Variants in SYNE1 observed in about 807,000 individuals in gnomAD.
SYNE1 encodes the protein nesprin-1.
Under a neutral mutation model 1,111.0 loss-of-function variants are expected in SYNE1, and 616 were observed. The ratio of observed to expected loss-of-function variants is 0.55; its 90% confidence interval spans 0.52 to 0.59. The LOEUF is 0.59. Among genes scored for constraint, SYNE1 ranks in the 20% least tolerant of loss-of-function variants. SYNE1 has a pLI of 0.00. For missense variants in SYNE1, 10,006 were observed against 10,417.0 expected, an observed-to-expected ratio of 0.96 and a Z score of 1.72; for synonymous variants, 3,855 against 3,825.8, an observed-to-expected ratio of 1.01 and a Z score of -0.28.
At chr6:152,561,258 T>C (rs1302362265) in intron 3 of SYNE1, among the ~76,000 whole-genome samples, 6 of 152,178 alleles carry the variant, frequency 3.9e-5, no homozygotes, top group Admixed American at 2.0e-4. Flanking sequence ...GTTGCATGTC[T>C]ATACATAAAC....
intron 3 of SYNE1, among the ~76,000 whole-genome samples, chr6:152,572,679 G>A (rs2099469297): frequency 6.6e-6 from 1 of 152,166 alleles, no homozygotes; most frequent in African/African-American, 2.4e-5. Context: ...TTCCTGAAGG[G>A]CAACTCACTT....
intron 4 of SYNE1, among the ~76,000 whole-genome samples, chr6:152,537,527 T>C (rs75346243): frequency 0.053 from 8,097 of 152,110 alleles, 700 homozygotes; most frequent in African/African-American, 0.18. Context: ...TTGCATACTA[T>C]CTCTTCTTAT....
At chr6:152,546,821 G>A (rs1036906884) in intron 3 of SYNE1, 2 of 152,096 alleles carry the variant, frequency 1.3e-5, no homozygotes, top group African/African-American at 2.4e-5. Flanking sequence ...GTAGAAAGAG[G>A]TCTTGTATTT....
chr6:152,381,587 C>A (rs1702317864), intron 55 of SYNE1: 4 of 590,622 alleles, frequency 6.8e-6, no homozygotes, highest in African/African-American at 3.7e-5. Context: ...TCCTCAATAT[C>A]CTGAAACAGA....
Position 152,148,129 on chromosome 6 carries a change from C to G in SYNE1, c.24892G>C (p.Ala8298Pro). The G allele has an allele frequency of 1.9e-6, 3 of 1,614,212 alleles. No homozygotes were observed. Among genetic ancestry groups the G allele is most frequent in the Non-Finnish European group, 2.5e-6 (3 of 1,180,036 alleles). Residue 8298 changes from alanine (A) to proline (P), a missense_variant, in exon 137 of 146, where the codon GCA becomes CCA. Coordinates refer to ENST00000367255, the MANE Select transcript of SYNE1 (RefSeq NM_182961.4). The surrounding 1 kb of genome is among the most constrained non-coding windows in gnomAD (Gnocchi z 4.1). ...DYDLSRDLES[A>P]MSRALPSEDE... Reference sequence around the variant, plus strand: ...TCAGAGGGCAGAGCTCTGGACATTGCAGACTCCAGGTCCCGACTGAGGTCA... The same window carrying G: ...TCAGAGGGCAGAGCTCTGGACATTGGAGACTCCAGGTCCCGACTGAGGTCA...
chr6:152,159,745 C>T (rs935432698), intron 131 of SYNE1, among the ~76,000 whole-genome samples: 4 of 152,142 alleles, frequency 2.6e-5, no homozygotes, highest in African/African-American at 7.2e-5. Flanking sequence ...ATTAGGATTA[C>T]AGGGGTGAGC....
chr6:152,387,251 A>T lies in SYNE1; in HGVS notation c.8308T>A (p.Phe2770Ile), dbSNP rs768756707. 26 of 1,614,032 alleles carry T rather than the reference A, an allele frequency of 1.6e-5. No homozygotes were observed. The highest frequency in any genetic ancestry group is 1.3e-5 in the Non-Finnish European group (15 of 1,180,032). Reference protein sequence around the residue: ...LQPQPGLKEKFVLLDHLQSIL... With the variant: ...LQPQPGLKEKIVLLDHLQSIL... ...GACTGGAGGTGGTCAAGCAGGACGAACTTCTCTTTCAGACCTGGCTGTGGT... is the reference window on the plus strand; with the variant it reads ...GACTGGAGGTGGTCAAGCAGGACGATCTTCTCTTTCAGACCTGGCTGTGGT... Residue 2770 changes from phenylalanine to isoleucine, a missense_variant, in exon 54 of 146, where the codon TTC becomes ATC. By Grantham distance (21) the Phe-to-Ile change is conservative (BLOSUM62 0). Coordinates refer to ENST00000367255, the MANE Select transcript of SYNE1 (RefSeq NM_182961.4).
intron 51 of SYNE1, among the ~76,000 whole-genome samples, chr6:152,392,755 G>A (rs573134152): frequency 6.6e-6 from 1 of 152,304 alleles, no homozygotes; most frequent in South Asian, 2.1e-4. Context: ...TCTGTTTGGT[G>A]AGACAAGAAG....
chr6:152,278,502 G>A (rs1020852220), intron 97 of SYNE1, among the ~76,000 whole-genome samples: 1 of 151,012 alleles, frequency 6.6e-6, no homozygotes, highest in Non-Finnish European at 1.5e-5. Context: ...TCACTCTGTC[G>A]CCCAGGCTGG....
Position 152,148,250 on chromosome 6 carries a change from G to A in SYNE1, c.24771C>T (p.Leu8257=), listed in dbSNP as rs2059847697. ...SLLSPQPSSN[L]SLSLAQPLRS... ...GGAGGGGCTGAGCGAGCGAGAGGGA[G>A]AGATTGGAGGAAGGCTGTGGAGAAA... Residue 8257 remains leucine, a synonymous_variant, in exon 137 of 146, where the codon CTC becomes CTT. Coordinates refer to ENST00000367255, the MANE Select transcript of SYNE1 (RefSeq NM_182961.4). This position sits in a 1 kb window ranked among gnomAD's most constrained non-coding sequence, Gnocchi z 4.1. 1.2e-6 allele frequency: 2 copies of A among 1,613,672 alleles called. No individual in the cohort carries two copies. The highest frequency in any genetic ancestry group is 1.7e-6 in the Non-Finnish European group (2 of 1,179,784).
At chr6:152,423,889 T>G (rs1246152651) in intron 39 of SYNE1, among the ~76,000 whole-genome samples, 2 of 152,224 alleles carry the variant, frequency 1.3e-5, no homozygotes, top group African/African-American at 4.8e-5. Context: ...CAGATCTTAA[T>G]CTGATGTCAT....
chr6:152,623,683 T>A, intron 3 of SYNE1, among the ~76,000 whole-genome samples: 1 of 151,890 alleles, frequency 6.6e-6, no homozygotes, highest in South Asian at 2.1e-4. Context: ...AAAATCACAA[T>A]GCCATTAAAA....
chr6:152,208,574 G>A (rs2076952354), intron 124 of SYNE1, among the ~76,000 whole-genome samples: 3 of 152,212 alleles, frequency 2.0e-5, no homozygotes, highest in Admixed American at 2.0e-4. Flanking sequence ...TGTGCAGCTC[G>A]TGATGATGAT....
At chr6:152,584,741 G>A (rs9371610) in intron 3 of SYNE1, among the ~76,000 whole-genome samples, 106,441 of 152,124 alleles carry the variant, frequency 0.7, 38,365 homozygotes, top group African/African-American at 0.87. Context: ...GCAAGTTAAC[G>A]TAATATTTAT....
At chr6:152,455,611 T>A (rs2098690245) in intron 23 of SYNE1, 21 bp from the exon 24 acceptor site, 8 of 1,613,860 alleles carry the variant, frequency 5.0e-6, no homozygotes, top group African/African-American at 1.3e-5. Flanking sequence ...AAAACAATCA[T>A]AATGTGATGC....
chr6:152,368,870 T>C, intron 61 of SYNE1, 102 bp downstream of exon 61: 8 of 1,461,190 alleles, frequency 5.5e-6, no homozygotes, highest in South Asian at 1.1e-5. Flanking sequence ...AGACCCACAC[T>C]GTGGGCGGGT....
chr6:152,358,556 A>G lies in SYNE1; in HGVS notation c.10444-19T>C, dbSNP rs545979269. The G allele has an allele frequency of 1.2e-6, 2 of 1,613,804 alleles. No individual in the cohort carries two copies. Among genetic ancestry groups the G allele is most frequent in the Non-Finnish European group, 1.7e-6 (2 of 1,179,678 alleles). ...CGGCTTCCTATAATTAGCATTTAAA[A>G]TAATGAAGTTAGGAACACATTACTT... is the stretch of plus-strand genomic sequence containing the variant. On this transcript the variant is annotated intron_variant, in intron 65 of 145. Coordinates refer to ENST00000367255, the MANE Select transcript of SYNE1 (RefSeq NM_182961.4).
Position 152,326,330 on chromosome 6 carries a change from G to A in SYNE1, c.15259C>T (p.Arg5087Trp), listed in dbSNP as rs767636254. 2.5e-5 allele frequency: 40 copies of A among 1,613,972 alleles called. No individual in the cohort carries two copies. Among genetic ancestry groups the A allele is most frequent in the African/African-American group, 1.3e-4 (10 of 74,910 alleles). The change falls in exon 79 of 146, where the codon CGG becomes TGG. Residue 5087 changes from arginine to tryptophan, a missense_variant. Coordinates refer to ENST00000367255, the MANE Select transcript of SYNE1 (RefSeq NM_182961.4). ...SLELRSQRMS[R>W]DSGAQVDLLQ... Reference sequence around the variant, plus strand: ...AGATCCACTTGGGCACCAGAGTCCCGGCTCATCCTCTGGCTCCTGAGTTCC... The same window carrying A: ...AGATCCACTTGGGCACCAGAGTCCCAGCTCATCCTCTGGCTCCTGAGTTCC...
intron 3 of SYNE1, among the ~76,000 whole-genome samples, chr6:152,579,388 A>G (rs569519591): frequency 3.9e-5 from 6 of 152,384 alleles, no homozygotes; most frequent in South Asian, 4.1e-4. Flanking sequence ...GGCAGAGGCC[A>G]TGTGGCAGAT....
Sources: allele counts gnomAD v4.1 joint callset (sites outside exome capture counted in the v4.1 genomes callset), GRCh38; gene constraint gnomAD v4.1.1; non-coding constraint Gnocchi (gnomAD v3.1); transcripts MANE v1.5; gene names NCBI Gene and HGNC (gene_info 2026-07-23, HGNC 2026-07-21).